KCNQ1: variants seen among roughly 807,000 people sequenced by gnomAD.
KCNQ1 encodes potassium voltage-gated channel subfamily KQT member 1.
A neutral mutation model predicts 72.4 loss-of-function variants in KCNQ1; 49 were observed. The observed-to-expected ratio is 0.68, with a 90% CI of 0.54 to 0.86. The LOEUF (loss-of-function observed/expected upper bound fraction) is 0.86. Among genes scored for constraint, KCNQ1 ranks in the 40% least tolerant of loss-of-function variants. KCNQ1 has a pLI of 0.00. For synonymous variants in KCNQ1, 450 were observed against 412.6 expected, an observed-to-expected ratio of 1.09 and a Z score of -1.10; for missense variants, 790 against 945.1, an observed-to-expected ratio of 0.84 and a Z score of 2.15.
In KCNQ1 at chr11:2,657,466, G is replaced by A; in HGVS notation, c.1394-4495G>A. The A allele has an allele frequency of 2.5e-6, 1 of 398,452 alleles. No individual in the cohort carries two copies. The allele number at this position is 398,452 out of a possible 1,614,324, so 24.7% of individuals were successfully genotyped here. On this transcript the variant is annotated intron_variant, in intron 10 of 15. Coordinates refer to ENST00000155840, the MANE Select transcript of KCNQ1 (RefSeq NM_000218.3). The surrounding 1 kb of genome is among the most constrained non-coding windows in gnomAD (Gnocchi z 4.8). ...TATTCTTTTGTGCTATTGTATACAG[G>A]TTCTGTTTTCTCTTGTTACCTCACA...
rs141204061 is a variant in KCNQ1, at chr11:2,726,664, T to C, written c.1515-42180T>C. 8.5e-3 allele frequency among the ~76,000 whole-genome samples: 1,292 copies of C among 152,232 alleles called. 8 individuals carry two copies. Among genetic ancestry groups the C allele is most frequent in the Non-Finnish European group, 0.013 (914 of 68,012 alleles). On this transcript the variant is annotated intron_variant, in intron 11 of 15. Transcript: ENST00000155840. ...CATTCCTAGCAGGGAGGAATAGTAG[T>C]TTATATTTTCCCCCAAAATTTTATT... is the stretch of plus-strand genomic sequence containing the variant.
At chr11:2,636,113 A>C (rs1477490361) in intron 10 of KCNQ1, 1 of 152,180 alleles carries the variant, frequency 6.6e-6, no homozygotes, top group African/African-American at 2.4e-5. Flanking sequence ...CTAAATATAC[A>C]ATCATGTCAT....
chr11:2,819,708 G>A (rs887166607), intron 15 of KCNQ1, among the ~76,000 whole-genome samples: 11 of 152,126 alleles, frequency 7.2e-5, no homozygotes, highest in Admixed American at 2.6e-4. Context: ...GATGGATGTC[G>A]TCTGCTTTTT....
At position 2,687,778 on chromosome 11, in the gene KCNQ1, C is replaced by G. The variant is rs1850516120; in HGVS notation, c.1514+25697C>G. The G allele has an allele frequency of 2.5e-6, 1 of 398,662 alleles. No homozygotes were observed. Among genetic ancestry groups the G allele is most frequent in the Non-Finnish European group, 4.4e-6 (1 of 226,234 alleles). 24.7% of individuals were successfully genotyped at this position (398,662 alleles called of 1,614,324 possible). A position where few individuals can be genotyped will look rare whatever the true frequency, so the allele number is the denominator to read the frequency against. On this transcript the variant is annotated intron_variant, in intron 11 of 15. Transcript: ENST00000155840. This position sits in a 1 kb window ranked among gnomAD's most constrained non-coding sequence, Gnocchi z 5.0. ...AAGAGGAGCCCCTTAGCAGGCCTAA[C>G]CACACCCCTAAGCCACCCAGCCTGG... is the stretch of plus-strand genomic sequence containing the variant.
chr11:2,505,545 T>C (rs1298663954), intron 1 of KCNQ1, among the ~76,000 whole-genome samples: 2 of 152,232 alleles, frequency 1.3e-5, no homozygotes, highest in East Asian at 1.9e-4. Flanking sequence ...GGTTGTTCTA[T>C]TCATTATAGA....
intron 1 of KCNQ1, among the ~76,000 whole-genome samples, chr11:2,454,265 A>C (rs1178230936): frequency 6.6e-6 from 1 of 152,176 alleles, no homozygotes; most frequent in Non-Finnish European, 1.5e-5. Context: ...CTCTGAATGT[A>C]CCTGGTTTTA....
Position 2,670,462 on chromosome 11 carries a change from T to A in KCNQ1, c.1514+8381T>A, listed in dbSNP as rs573980129. On this transcript the variant is annotated intron_variant, in intron 11 of 15. Transcript: ENST00000155840. The surrounding 1 kb of genome is among the most constrained non-coding windows in gnomAD (Gnocchi z 4.9). ...TGTTGGCTGAGACACACAGCCCACA[T>A]CCTTGGTAGGTCCCTCAGAGAGCAT... 2.5e-6 allele frequency: 1 copy of A among 397,574 alleles called. No homozygotes were observed. 24.6% of individuals were successfully genotyped at this position (397,574 alleles called of 1,614,324 possible).
At chr11:2,530,308 C>T (rs959031427) in intron 2 of KCNQ1, among the ~76,000 whole-genome samples, 2 of 152,242 alleles carry the variant, frequency 1.3e-5, no homozygotes, top group Non-Finnish European at 2.9e-5. Context: ...ATGTTCTGCC[C>T]CGGCCAACTG....
At chr11:2,511,915 G>C (rs1847212969) in intron 1 of KCNQ1, among the ~76,000 whole-genome samples, 1 of 152,246 alleles carries the variant, frequency 6.6e-6, no homozygotes, top group South Asian at 2.1e-4. Flanking sequence ...GTTTTCCCTG[G>C]TGGAGGGCAC....
Position 2,682,982 on chromosome 11 carries a change from G to T in KCNQ1, c.1514+20901G>T. On this transcript the variant is annotated intron_variant, in intron 11 of 15. Transcript: ENST00000155840. This position sits in a 1 kb window ranked among gnomAD's most constrained non-coding sequence, Gnocchi z 5.8. The stretch of plus-strand genomic sequence containing the variant: ...TTCTGCCACCCAGACTGTGCATTCA[G>T]ACATCTCCCTTGTGCTGTGCAGCCT... The T allele has an allele frequency of 2.5e-6, 1 of 398,644 alleles. No individual in the cohort carries two copies. Among genetic ancestry groups the T allele is most frequent in the South Asian group, 1.3e-4 (1 of 7,836 alleles). The allele number at this position is 398,644 out of a possible 1,614,324, so 24.7% of individuals were successfully genotyped here.
At chr11:2,519,278 G>A (rs72847655) in intron 1 of KCNQ1, among the ~76,000 whole-genome samples, 5,882 of 152,330 alleles carry the variant, frequency 0.039, 185 homozygotes, top group Non-Finnish European at 0.06. Flanking sequence ...AACATGACAG[G>A]GTTCGGGTGA....
Position 2,647,650 on chromosome 11 carries a change from T to G in KCNQ1, c.1394-14311T>G. 2.5e-6 allele frequency: 1 copy of G among 398,586 alleles called. No homozygotes were observed. The highest frequency in any genetic ancestry group is 3.6e-5 in the East Asian group (1 of 28,060). The allele number at this position is 398,586 out of a possible 1,614,324, so 24.7% of individuals were successfully genotyped here. On this transcript the variant is annotated intron_variant, in intron 10 of 15. Coordinates refer to ENST00000155840, the MANE Select transcript of KCNQ1 (RefSeq NM_000218.3). This position sits in a 1 kb window ranked among gnomAD's most constrained non-coding sequence, Gnocchi z 4.0. ...CCTGAGGTTTTCTTTACTGGGAGAC[T>G]TTATTACTGATACAATCTCATTCCT...
At chr11:2,719,544 T>G (rs1045498749) in intron 11 of KCNQ1, among the ~76,000 whole-genome samples, 1 of 150,346 alleles carries the variant, frequency 6.7e-6, no homozygotes, top group African/African-American at 2.4e-5. Context: ...AATCCCAGAG[T>G]TCAGAGAACA....
At chr11:2,521,770 A>G (rs931825177) in intron 1 of KCNQ1, among the ~76,000 whole-genome samples, 6 of 152,238 alleles carry the variant, frequency 3.9e-5, no homozygotes, top group African/African-American at 1.4e-4. Flanking sequence ...CCGAGTGGGC[A>G]TGGAAGGCCA....
intron 15 of KCNQ1, among the ~76,000 whole-genome samples, chr11:2,835,397 TCACACACACACACACACACACACA>T (rs36227626): frequency 7.7e-6 from 1 of 130,478 alleles, no homozygotes; most frequent in Admixed American, 7.6e-5. Context: ...AAACCCTGAC[TCACACACACACACACACACACACA>T]CACACACGCA....
rs943726756 is a variant in KCNQ1 at position 2,497,037 on chromosome 11, G to C, written c.387-30891G>C. Among the ~76,000 whole-genome samples the C allele has an allele frequency of 6.6e-6, 1 of 152,174 alleles. No homozygotes were observed. Among genetic ancestry groups the C allele is most frequent in the Non-Finnish European group, 1.5e-5 (1 of 68,042 alleles). ...TAGGGTTTCTGCAGAGAGATTTGCT[G>C]TTAGTCTGATGCACTTCTCTTTGTA... On this transcript the variant is annotated intron_variant, in intron 1 of 15. Transcript: ENST00000155840. The surrounding 1 kb of genome is among the most constrained non-coding windows in gnomAD (Gnocchi z 4.5).
intron 10 of KCNQ1, chr11:2,622,524 T>A (rs1261950557): frequency 5.0e-6 from 2 of 398,342 alleles, no homozygotes; most frequent in East Asian, 3.6e-5. Context: ...TTTTGGAGAA[T>A]TTAATCGACT....
rs1275260485 is a variant in KCNQ1, at chr11:2,682,476, G to GAGTA, written c.1514+20398_1514+20399insAAGT. 4 of 256,854 alleles carry GAGTA rather than the reference G, an allele frequency of 1.6e-5. No individual in the cohort carries two copies. In the African/African-American group the frequency reaches 4.2e-4, roughly 27 times the overall value. 15.9% of individuals were successfully genotyped at this position (256,854 alleles called of 1,614,324 possible). On this transcript the variant is annotated intron_variant, in intron 11 of 15. Transcript: ENST00000155840. The surrounding 1 kb of genome is among the most constrained non-coding windows in gnomAD (Gnocchi z 5.8). The stretch of plus-strand genomic sequence containing the variant: ...CACGGACCCTCAGTGAATGTTTGAC[G>GAGTA]AGTGAGTGAGTGAGTGAGTGAGTGA...
chr11:2,666,305 C>G, intron 11 of KCNQ1: 1 of 398,698 alleles, frequency 2.5e-6, no homozygotes. Context: ...AGAGGGAAAG[C>G]TGCAGAGACC....
Sources: gnomAD v4.1 joint callset for allele counts (sites outside exome capture counted in the v4.1 genomes callset) on GRCh38, gnomAD v4.1.1 for gene constraint, Gnocchi (gnomAD v3.1) non-coding constraint, MANE v1.5 for transcripts, NCBI Gene and HGNC (gene_info 2026-07-23, HGNC 2026-07-21) for gene names.